The following AOPEP variants were observed in gnomAD, a reference collection of about 807,000 sequenced individuals.
The protein encoded by AOPEP is aminopeptidase O (putative).
AOPEP carries 77 observed loss-of-function variants against 98.1 expected under a neutral mutation model. That is an observed-to-expected ratio of 0.78 (90% CI 0.65 to 0.95). The LOEUF (loss-of-function observed/expected upper bound fraction) is 0.95, where lower values mean the gene tolerates loss of function less well. Among genes scored for constraint, AOPEP ranks in the 40% least tolerant of loss-of-function variants. The probability of loss-of-function intolerance (pLI) is 0.00; values close to 1 mark genes in which losing one functional copy is unlikely to be tolerated. For missense variants in AOPEP, 1,024 were observed against 1,024.7 expected, an observed-to-expected ratio of 1.00 and a Z score of 0.01; for synonymous variants, 346 against 365.3, an observed-to-expected ratio of 0.95 and a Z score of 0.60.
rs115288103 is a variant in AOPEP, at chr9:95,066,234, T to G, written c.2232+5424T>G. ...GTCTCTCAGTACATCCTTCTTAGGG[T>G]TTTCTTTCTGTTATTCAATTCAGTG... On this transcript the variant is annotated intron_variant, in intron 14 of 16. Transcript: ENST00000375315. 2.7e-3 allele frequency among the ~76,000 whole-genome samples: 416 copies of G among 152,240 alleles called. 2 individuals carry two copies. The highest frequency in any genetic ancestry group is 9.1e-3 in the African/African-American group (379 of 41,530).
At chr9:94,847,338 C>T (rs1367699882) in intron 5 of AOPEP, among the ~76,000 whole-genome samples, 2 of 152,104 alleles carry the variant, frequency 1.3e-5, no homozygotes, top group Non-Finnish European at 2.9e-5. Flanking sequence ...GTTTGGATCT[C>T]ATTCTTGGGC....
At chr9:94,868,070 T>G (rs1002443548) in intron 5 of AOPEP, among the ~76,000 whole-genome samples, 4 of 152,218 alleles carry the variant, frequency 2.6e-5, no homozygotes, top group African/African-American at 9.7e-5. Flanking sequence ...TTTAAAGATT[T>G]GTTGATGACT....
At chr9:94,781,362 G>T (rs1181907865) in intron 3 of AOPEP, among the ~76,000 whole-genome samples, 1 of 152,040 alleles carries the variant, frequency 6.6e-6, no homozygotes, top group African/African-American at 2.4e-5. Context: ...TTATAATCAG[G>T]CAGAAGTAGT....
chr9:94,954,517 G>C (rs1383941857), intron 7 of AOPEP, among the ~76,000 whole-genome samples: 1 of 152,158 alleles, frequency 6.6e-6, no homozygotes, highest in African/African-American at 2.4e-5. Flanking sequence ...AATTTGTGTT[G>C]GGCTGCATTC....
At chr9:95,091,290 G>A (rs748469415), downstream of AOPEP, among the ~76,000 whole-genome samples, 4 of 152,340 alleles carry the variant, frequency 2.6e-5, no homozygotes, top group Middle Eastern at 3.4e-3. Flanking sequence ...AGTCCCACCC[G>A]GCAAGGGGCC....
chr9:94,749,801 AGCT>A (rs1267600090), intron 1 of AOPEP, among the ~76,000 whole-genome samples: 1 of 152,222 alleles, frequency 6.6e-6, no homozygotes, highest in African/African-American at 2.4e-5. Flanking sequence ...TAATATGAAT[AGCT>A]GCTTTAAAAT....
chr9:95,096,413 G>A, the AOPEP span, among the ~76,000 whole-genome samples: 31 of 151,142 alleles, frequency 2.1e-4, 1 homozygote, highest in South Asian at 6.4e-3. Flanking sequence ...AATGGCCATC[G>A]GCAACATGGG....
At chr9:95,004,369 G>C (rs1367686011) in intron 11 of AOPEP, 2 of 439,136 alleles carry the variant, frequency 4.6e-6, no homozygotes, top group African/African-American at 4.0e-5. Flanking sequence ...GGGGGTCCAC[G>C]GCAGTCTGAG....
At chr9:94,859,633 T>C (rs2044681439) in intron 5 of AOPEP, among the ~76,000 whole-genome samples, 1 of 152,226 alleles carries the variant, frequency 6.6e-6, no homozygotes, top group Admixed American at 6.5e-5. Flanking sequence ...TTGTTCCATA[T>C]GAATCAAGTA....
At chr9:95,121,286 G>C in the AOPEP span, among the ~76,000 whole-genome samples, 1 of 152,118 alleles carries the variant, frequency 6.6e-6, no homozygotes, top group East Asian at 1.9e-4. Context: ...CTGTCTGATA[G>C]GGCATATTGA....
the AOPEP span, among the ~76,000 whole-genome samples, chr9:95,103,526 C>T: frequency 1.3e-5 from 2 of 152,196 alleles, no homozygotes; most frequent in Non-Finnish European, 2.9e-5. Flanking sequence ...GGGTGGACTC[C>T]ATGCAGTCCT....
intron 11 of AOPEP, among the ~76,000 whole-genome samples, chr9:94,991,762 CT>C (rs1277514404): frequency 6.6e-6 from 1 of 152,140 alleles, no homozygotes; most frequent in Non-Finnish European, 1.5e-5. Flanking sequence ...ATACATGCCC[CT>C]CTTCCACTAG....
chr9:94,904,729 A>G (rs915495074), intron 5 of AOPEP: 1 of 152,260 alleles, frequency 6.6e-6, no homozygotes, highest in Admixed American at 6.5e-5. Flanking sequence ...AGCAATAGGT[A>G]TCTTTGTAGA....
chr9:95,145,356 T>C, the AOPEP span: 6 of 152,156 alleles, frequency 3.9e-5, no homozygotes, highest in African/African-American at 1.4e-4. Context: ...GAAAAATATA[T>C]ACAACACTCC....
At chr9:95,097,366 T>TAA in the AOPEP span, among the ~76,000 whole-genome samples, 2 of 152,206 alleles carry the variant, frequency 1.3e-5, no homozygotes, top group African/African-American at 4.8e-5. Flanking sequence ...CCAATAACGT[T>TAA]AAAGAAGCTG....
Position 94,930,180 on chromosome 9 carries a change from G to A in AOPEP, c.1661+1649G>A, listed in dbSNP as rs1192285269. 6.6e-6 allele frequency among the ~76,000 whole-genome samples: 1 copy of A among 152,224 alleles called. No individual in the cohort carries two copies. On this transcript the variant is annotated intron_variant, in intron 7 of 16. Transcript: ENST00000375315. This position sits in a 1 kb window ranked among gnomAD's most constrained non-coding sequence, Gnocchi z 4.5. ...TAGTCCATGCAAGAGGCCCTGGAGT[G>A]CCTGTGACAGATGCAAGACGCAGAC...
chr9:95,089,511 C>T (rs1368532175), downstream of AOPEP, among the ~76,000 whole-genome samples: 1 of 152,218 alleles, frequency 6.6e-6, no homozygotes. Context: ...CCACATGGCT[C>T]AGAGCTTTCC....
intron 16 of AOPEP, chr9:95,086,112 TC>T: frequency 7.3e-7 from 1 of 1,366,466 alleles, no homozygotes; most frequent in Non-Finnish European, 9.8e-7. Flanking sequence ...CAAAAAGCCT[TC>T]GTGTCTGTAA....
the AOPEP span, among the ~76,000 whole-genome samples, chr9:95,119,424 G>A: frequency 6.6e-6 from 1 of 150,924 alleles, no homozygotes; most frequent in Non-Finnish European, 1.5e-5. Flanking sequence ...GGAGTGCAGT[G>A]GTGTGATCTT....
Sources: allele counts gnomAD v4.1 joint callset (sites outside exome capture counted in the v4.1 genomes callset), GRCh38; gene constraint gnomAD v4.1.1; non-coding constraint Gnocchi (gnomAD v3.1); transcripts MANE v1.5; gene names NCBI Gene and HGNC (gene_info 2026-07-23, HGNC 2026-07-21).